The following GPAT4 variants were observed in gnomAD, a reference collection of about 807,000 sequenced individuals.
GPAT4 encodes the protein 1-AGP acyltransferase 6.
A neutral mutation model predicts 58.0 loss-of-function variants in GPAT4; 17 were observed. The ratio of observed to expected loss-of-function variants is 0.29; its 90% CI spans 0.20 to 0.44. The LOEUF is 0.44. GPAT4 is among the 20% of genes least tolerant of loss of function. The pLI is 1.00. For synonymous variants in GPAT4, 204 were observed against 210.1 expected (o/e 0.97, Z 0.25); for missense variants, 377 against 574.5 (o/e 0.66, Z 3.51).
rs182529820 is a variant in GPAT4, at chr8:41,623,293, T to C, written c.*2292T>C. ...CCTGCAAGCCCCAAGTGACCCATAG[T>C]CAGAGTATCTGGTTTGGGGTAACCG... On this transcript the variant is annotated 3_prime_UTR_variant, in exon 13 of 13. Coordinates refer to ENST00000396987, the MANE Select transcript of GPAT4 (RefSeq NM_178819.4). 1 of 152,348 alleles carries C rather than the reference T, an allele frequency of 6.6e-6. No homozygotes were observed. The highest frequency in any genetic ancestry group is 1.9e-4 in the East Asian group (1 of 5,188). 9.4% of individuals were successfully genotyped at this position (152,348 alleles called of 1,614,324 possible).
chr8:41,621,134 C>A lies in GPAT4; in HGVS notation c.*133C>A. 7.8e-7 allele frequency: 1 copy of A among 1,284,688 alleles called. No homozygotes were observed. Among genetic ancestry groups the A allele is most frequent in the South Asian group, 1.5e-5 (1 of 65,730 alleles). 79.6% of individuals were successfully genotyped at this position (1,284,688 alleles called of 1,614,324 possible). A position where few individuals can be genotyped will look rare whatever the true frequency, so the allele number is the denominator to read the frequency against. On this transcript the variant is annotated 3_prime_UTR_variant, in exon 13 of 13. Transcript: ENST00000396987. ...CCGGGCTGCTCTGGATCCCAGGACTCCGGCTTTCGCCGAGCCGCAGCGGGA... is the reference window on the plus strand; with the variant it reads ...CCGGGCTGCTCTGGATCCCAGGACTACGGCTTTCGCCGAGCCGCAGCGGGA...
intron 2 of GPAT4, among the ~76,000 whole-genome samples, chr8:41,604,434 C>G (rs979940659): frequency 2.6e-5 from 4 of 152,204 alleles, no homozygotes; most frequent in African/African-American, 9.7e-5. Context: ...CCTGTTCATG[C>G]TGAGTCACAG....
rs147636253 is a variant in GPAT4, at chr8:41,593,141, G to A, written c.-848-5151G>A. ...CAGACATCAAATTTCAAGATTATGC[G>A]TTTGGGCACCCCTTTTTCTTCTGTT... On this transcript the variant is annotated intron_variant, in intron 1 of 12. Transcript: ENST00000396987. 1.1e-3 allele frequency among the ~76,000 whole-genome samples: 168 copies of A among 152,182 alleles called. 2 individuals are homozygous for A. In the East Asian group the frequency reaches 0.026, roughly 24 times the overall value.
intron 10 of GPAT4, 26 bp from the exon 11 acceptor site, chr8:41,618,658 T>TA (rs1286387100): frequency 3.1e-6 from 5 of 1,613,146 alleles, no homozygotes; most frequent in Admixed American, 1.7e-5. Flanking sequence ...ACTCATGTCT[T>TA]ACCTCCAGCT....
intron 2 of GPAT4, among the ~76,000 whole-genome samples, chr8:41,607,315 C>T (rs1217717241): frequency 6.6e-6 from 1 of 152,088 alleles, no homozygotes; most frequent in African/African-American, 2.4e-5. Flanking sequence ...AGCAGGAGGC[C>T]AAAGGGATGT....
At chr8:41,600,602 C>G (rs1367252623) in intron 2 of GPAT4, among the ~76,000 whole-genome samples, 1 of 147,076 alleles carries the variant, frequency 6.8e-6, no homozygotes, top group Non-Finnish European at 1.5e-5. Flanking sequence ...TTTTTTTTTA[C>G]ATTTAAGAAA....
In GPAT4 at chr8:41,602,903, A is replaced by C. The variant is rs143894696; in HGVS notation, c.165+3599A>C. Among the ~76,000 whole-genome samples, 140 of 152,218 alleles carry C rather than the reference A, an allele frequency of 9.2e-4. 1 individual carries two copies. Among genetic ancestry groups the C allele is most frequent in the African/African-American group, 3.3e-3 (137 of 41,522 alleles). On this transcript the variant is annotated intron_variant, in intron 2 of 12. Coordinates refer to ENST00000396987, the MANE Select transcript of GPAT4 (RefSeq NM_178819.4). ...CTCTGTGCCCTCCTGCGGCAGAGGGATGAGGGAGCCCTCTGAAGTCCCTTT... is the reference window on the plus strand; with the variant it reads ...CTCTGTGCCCTCCTGCGGCAGAGGGCTGAGGGAGCCCTCTGAAGTCCCTTT...
At chr8:41,615,386 T>A (rs1216616473) in intron 10 of GPAT4, among the ~76,000 whole-genome samples, 1 of 149,600 alleles carries the variant, frequency 6.7e-6, no homozygotes, top group Non-Finnish European at 1.5e-5. Context: ...GAAAGCTGGC[T>A]GATTGCAGGG....
intron 2 of GPAT4, among the ~76,000 whole-genome samples, chr8:41,600,094 A>G (rs1034642215): frequency 7.7e-6 from 1 of 129,280 alleles, no homozygotes; most frequent in African/African-American, 3.0e-5. Flanking sequence ...GCTGGAATGC[A>G]GTGGCGCAAT....
intron 7 of GPAT4, 108 bp from the exon 8 acceptor site, chr8:41,612,736 TA>T: frequency 1.1e-6 from 1 of 939,244 alleles, no homozygotes; most frequent in Non-Finnish European, 1.6e-6. Context: ...CGGCAAGCGT[TA>T]GAAGTGAGAA....
In GPAT4 at chr8:41,622,138, AGAGACGGGGTGTGTGCGG is replaced by A. The variant is rs1803770566; in HGVS notation, c.*1139_*1156del. ...TTCCAGCACAGACGTGGATTTCTCCAGAGACGGGGTGTGTGCGGGTCGCTGATGTGAGGCCTAGGGGAA... is the reference window on the plus strand; with the variant it reads ...TTCCAGCACAGACGTGGATTTCTCCAGTCGCTGATGTGAGGCCTAGGGGAA... On this transcript the variant is annotated 3_prime_UTR_variant, in exon 13 of 13. Coordinates refer to ENST00000396987, the MANE Select transcript of GPAT4 (RefSeq NM_178819.4). 6.6e-6 allele frequency: 1 copy of A among 151,806 alleles called. No individual in the cohort carries two copies. The highest frequency in any genetic ancestry group is 2.4e-5 in the African/African-American group (1 of 41,306). The allele number at this position is 151,806 out of a possible 1,614,324, so 9.4% of individuals were successfully genotyped here.
intron 5 of GPAT4, among the ~76,000 whole-genome samples, chr8:41,611,119 G>C (rs1803430230): frequency 1.3e-5 from 2 of 152,196 alleles, no homozygotes. Context: ...CCAGCTACTT[G>C]GGAAGCTGAG....
intron 2 of GPAT4, among the ~76,000 whole-genome samples, chr8:41,606,952 C>T (rs1279057709): frequency 1.3e-5 from 2 of 152,236 alleles, no homozygotes; most frequent in South Asian, 2.1e-4. Context: ...GTCTCCTCTA[C>T]AGATGCAAAT....
At chr8:41,615,648 G>A (rs1043337355) in intron 10 of GPAT4, among the ~76,000 whole-genome samples, 8 of 152,170 alleles carry the variant, frequency 5.3e-5, no homozygotes, top group African/African-American at 1.9e-4. Context: ...CTAGTCATCT[G>A]CACATTGTTC....
chr8:41,592,252 T>G (rs1402241367), intron 1 of GPAT4, among the ~76,000 whole-genome samples: 1 of 152,170 alleles, frequency 6.6e-6, no homozygotes, highest in Non-Finnish European at 1.5e-5. Flanking sequence ...GCTTAAGCTC[T>G]ATGCCCACAT....
intron 1 of GPAT4, among the ~76,000 whole-genome samples, chr8:41,587,366 A>G (rs1802682502): frequency 6.6e-6 from 1 of 152,060 alleles, no homozygotes. Context: ...CTTGGGAAAT[A>G]CATTCAAATT....
Position 41,610,743 on chromosome 8 carries a change from C to T in GPAT4, c.544C>T (p.Leu182=), listed in dbSNP as rs768504966. The part of the protein sequence containing the change: ...YCFLLPLRIA[L]AFTGISLLVV... ...CTTTTCTTCTTCTTACAGGATAGCA[C>T]TGGCTTTCACAGGGATTAGCCTTCT... Residue 182 remains leucine (L), a synonymous_variant, in exon 5 of 13, where the codon CTG becomes TTG. Coordinates refer to ENST00000396987, the MANE Select transcript of GPAT4 (RefSeq NM_178819.4). 6.2e-7 allele frequency: 1 copy of T among 1,610,538 alleles called. No individual in the cohort carries two copies. Among genetic ancestry groups the T allele is most frequent in the Non-Finnish European group, 8.5e-7 (1 of 1,178,150 alleles).
At chr8:41,596,416 C>A (rs1347500549) in intron 1 of GPAT4, among the ~76,000 whole-genome samples, 1 of 152,200 alleles carries the variant, frequency 6.6e-6, no homozygotes, top group Non-Finnish European at 1.5e-5. Context: ...AAACAAAAGC[C>A]AAAGTACCCG....
chr8:41,592,288 T>A (rs1379908237), intron 1 of GPAT4, among the ~76,000 whole-genome samples: 1 of 152,186 alleles, frequency 6.6e-6, no homozygotes, highest in Non-Finnish European at 1.5e-5. Flanking sequence ...GTGGGGGCTG[T>A]CCAGTCCCGG....
Sources: gnomAD v4.1 joint callset for allele counts (sites outside exome capture counted in the v4.1 genomes callset) on GRCh38, gnomAD v4.1.1 for gene constraint, MANE v1.5 for transcripts, NCBI Gene and HGNC (gene_info 2026-07-23, HGNC 2026-07-21) for gene names.